SIL1: variants seen among roughly 807,000 people sequenced by gnomAD.
SIL1 encodes nucleotide exchange factor SIL1.
Under a neutral mutation model 49.1 loss-of-function variants are expected in SIL1, and 40 were observed. The ratio of observed to expected loss-of-function variants is 0.81; its 90% CI spans 0.63 to 1.06. SIL1 has a LOEUF of 1.06. Ranked by LOEUF, SIL1 falls within the 50% of genes least tolerant of loss-of-function variation. SIL1 has a pLI of 0.00. For missense variants in SIL1, 500 were observed against 572.6 expected, an observed-to-expected ratio of 0.87 and a Z score of 1.29; for synonymous variants, 253 against 250.8, an observed-to-expected ratio of 1.01 and a Z score of -0.08.
chr5:139,132,139 AAAG>A (rs1257749227), intron 1 of SIL1, among the ~76,000 whole-genome samples: 2 of 152,186 alleles, frequency 1.3e-5, no homozygotes, highest in African/African-American at 2.4e-5. Flanking sequence ...TGCTGGGGAA[AAAG>A]AAGAGGAGGA....
At chr5:139,003,136 C>CT (rs1768026093) in intron 7 of SIL1, among the ~76,000 whole-genome samples, 1 of 151,868 alleles carries the variant, frequency 6.6e-6, no homozygotes, top group Non-Finnish European at 1.5e-5. Flanking sequence ...AATTAGGACT[C>CT]TAGTATTCTC....
At chr5:139,018,663 A>G (rs1581034466) in intron 7 of SIL1, among the ~76,000 whole-genome samples, 1 of 152,040 alleles carries the variant, frequency 6.6e-6, no homozygotes, top group Non-Finnish European at 1.5e-5. Context: ...CAGAAGAGAA[A>G]ATGAGGAAGA....
intron 7 of SIL1, among the ~76,000 whole-genome samples, chr5:138,960,351 T>C (rs913513505): frequency 2.6e-5 from 4 of 151,952 alleles, no homozygotes; most frequent in Non-Finnish European, 4.4e-5. Flanking sequence ...ATTGAACCAC[T>C]TGAACCATTT....
chr5:139,091,388 A>G (rs1770339547), intron 3 of SIL1, among the ~76,000 whole-genome samples: 1 of 152,128 alleles, frequency 6.6e-6, no homozygotes, highest in Non-Finnish European at 1.5e-5. Flanking sequence ...ACACAATAGA[A>G]AAAAAAGACT....
At chr5:139,187,405 T>C (rs1024948433) in intron 1 of SIL1, among the ~76,000 whole-genome samples, 2 of 151,644 alleles carry the variant, frequency 1.3e-5, no homozygotes, top group African/African-American at 4.8e-5. Flanking sequence ...TGGTCCCAGC[T>C]ACTTGGGAGG....
intron 7 of SIL1, among the ~76,000 whole-genome samples, chr5:138,955,905 A>G (rs565371034): frequency 6.6e-6 from 1 of 152,328 alleles, no homozygotes; most frequent in African/African-American, 2.4e-5. Context: ...GTAAGCTTGA[A>G]TTTCTGAAAA....
At chr5:139,118,627 T>C (rs552335068) in intron 3 of SIL1, among the ~76,000 whole-genome samples, 1 of 152,290 alleles carries the variant, frequency 6.6e-6, no homozygotes, top group East Asian at 1.9e-4. Context: ...CCCATTTACC[T>C]ACCCATCCAG....
intron 1 of SIL1, among the ~76,000 whole-genome samples, chr5:139,183,371 A>G (rs1481581023): frequency 6.6e-6 from 1 of 152,184 alleles, no homozygotes; most frequent in Non-Finnish European, 1.5e-5. Flanking sequence ...CTTAGAAGCA[A>G]ATGAGCCTTC....
intron 7 of SIL1, among the ~76,000 whole-genome samples, chr5:138,987,269 T>A (rs889430030): frequency 5.9e-5 from 9 of 151,588 alleles, no homozygotes; most frequent in African/African-American, 2.2e-4. Flanking sequence ...ACCACCACTC[T>A]TGGTTGCTTT....
chr5:139,112,243 T>G (rs866102532), intron 3 of SIL1, among the ~76,000 whole-genome samples: 16 of 152,342 alleles, frequency 1.1e-4, no homozygotes, highest in African/African-American at 1.4e-4. Context: ...AGTGCCGAGA[T>G]TGCAGCCTCT....
At chr5:139,114,293 G>T (rs1770939493) in intron 3 of SIL1, among the ~76,000 whole-genome samples, 1 of 152,226 alleles carries the variant, frequency 6.6e-6, no homozygotes, top group African/African-American at 2.4e-5. Flanking sequence ...CTGAGGGGCA[G>T]TGATCAGCCA....
chr5:139,097,879 C>T (rs1770504924), intron 3 of SIL1, among the ~76,000 whole-genome samples: 2 of 152,074 alleles, frequency 1.3e-5, no homozygotes, highest in South Asian at 2.1e-4. Context: ...TAGGAATTAA[C>T]TTAACCAAAG....
At chr5:139,171,618 T>A (rs1286440455) in intron 1 of SIL1, among the ~76,000 whole-genome samples, 2 of 151,438 alleles carry the variant, frequency 1.3e-5, no homozygotes, top group Non-Finnish European at 2.9e-5. Context: ...TTCACTTGTT[T>A]ATCTGCTGAC....
At chr5:139,000,391 T>G (rs1316917445) in intron 7 of SIL1, among the ~76,000 whole-genome samples, 1 of 152,152 alleles carries the variant, frequency 6.6e-6, no homozygotes, top group Admixed American at 6.5e-5. Flanking sequence ...GTAATTAAAA[T>G]AATATGAGAT....
chr5:139,042,544 A>C, intron 5 of SIL1, 76 bp downstream of exon 5: 2 of 1,239,922 alleles, frequency 1.6e-6, no homozygotes, highest in Non-Finnish European at 2.4e-6. Context: ...GAGTTCCCAT[A>C]AAAATGATTC....
intron 7 of SIL1, among the ~76,000 whole-genome samples, chr5:138,952,571 A>C (rs1766806760): frequency 6.6e-6 from 1 of 152,252 alleles, no homozygotes; most frequent in African/African-American, 2.4e-5. Flanking sequence ...CTGCCACGTC[A>C]CAGGTCCCTG....
intron 6 of SIL1, among the ~76,000 whole-genome samples, chr5:139,024,624 G>A (rs1768603908): frequency 6.6e-6 from 1 of 152,216 alleles, no homozygotes; most frequent in Non-Finnish European, 1.5e-5. Context: ...CTTTGATTAT[G>A]ATTACACAGC....
intron 3 of SIL1, among the ~76,000 whole-genome samples, chr5:139,073,656 T>C (rs910272782): frequency 2.6e-5 from 4 of 152,106 alleles, no homozygotes; most frequent in African/African-American, 9.7e-5. Flanking sequence ...TAATAATATA[T>C]TGTGGCTGGG....
In SIL1 at chr5:139,021,147, T is replaced by A. The variant is rs747071781; in HGVS notation, c.767+24A>T. 8 of 1,614,090 alleles carry A rather than the reference T, an allele frequency of 5.0e-6. No individual in the cohort carries two copies. The Admixed American group carries it at 1.3e-4, about 27-fold the overall frequency. ...GATCAGGCCAAGCAATTCTGGCCAT[T>A]GGGACGTCCATTATACTGCTCACCT... On this transcript the variant is annotated intron_variant, in intron 7 of 9. Coordinates refer to ENST00000394817, the MANE Select transcript of SIL1 (RefSeq NM_022464.5).
Sources: gnomAD v4.1 joint callset for allele counts (sites outside exome capture counted in the v4.1 genomes callset) on GRCh38, gnomAD v4.1.1 for gene constraint, MANE v1.5 for transcripts, NCBI Gene and HGNC (gene_info 2026-07-23, HGNC 2026-07-21) for gene names.